PPP4R2: variants seen among roughly 807,000 people sequenced by gnomAD.
PPP4R2 encodes the protein protein phosphatase 4 regulatory subunit 2.
In PPP4R2, 13 loss-of-function variants were observed where a neutral mutation model predicts 47.2. That is an observed-to-expected ratio of 0.28 (90% confidence interval 0.18 to 0.44). The LOEUF (loss-of-function observed/expected upper bound fraction) is 0.44. Ranked by LOEUF, PPP4R2 falls within the 20% of genes least tolerant of loss-of-function variation. PPP4R2 has a pLI of 1.00. For synonymous variants in PPP4R2, 151 were observed against 163.3 expected, an observed-to-expected ratio of 0.92 and a Z score of 0.57; for missense variants, 421 against 491.2, an observed-to-expected ratio of 0.86 and a Z score of 1.35.
At chr3:73,029,758 G>A (rs954962958) in intron 2 of PPP4R2, among the ~76,000 whole-genome samples, 3 of 152,166 alleles carry the variant, frequency 2.0e-5, no homozygotes, top group African/African-American at 7.2e-5. Context: ...AGAAAAGAGA[G>A]ACTGAATTGT....
chr3:73,032,007 C>G lies in PPP4R2; in HGVS notation c.117-15179C>G, dbSNP rs181076950. Among the ~76,000 whole-genome samples, 6 of 152,350 alleles carry G rather than the reference C, an allele frequency of 3.9e-5. No individual in the cohort carries two copies. The East Asian group carries it at 1.2e-3, about 29-fold the overall frequency. On this transcript the variant is annotated intron_variant, in intron 2 of 8. Coordinates refer to ENST00000356692, the MANE Select transcript of PPP4R2 (RefSeq NM_174907.4). ...GGGGAAACAGAGAGGCTAGGGTTATCTGCCTTAGGCCCTACAAATGAGAAA... is the reference window on the plus strand; with the variant it reads ...GGGGAAACAGAGAGGCTAGGGTTATGTGCCTTAGGCCCTACAAATGAGAAA...
At chr3:73,017,356 T>G (rs1338123814) in intron 2 of PPP4R2, among the ~76,000 whole-genome samples, 3 of 106,380 alleles carry the variant, frequency 2.8e-5, no homozygotes, top group Non-Finnish European at 6.0e-5. Context: ...TTCTGCCTGT[T>G]GTAGCCTGGA....
intron 2 of PPP4R2, among the ~76,000 whole-genome samples, chr3:73,044,994 A>G (rs1575873737): frequency 6.6e-6 from 1 of 152,118 alleles, no homozygotes; most frequent in Non-Finnish European, 1.5e-5. Context: ...TGCTTTTGGT[A>G]TCACACAGTA....
intron 2 of PPP4R2, among the ~76,000 whole-genome samples, chr3:73,001,775 A>T (rs1025243266): frequency 3.9e-5 from 6 of 151,950 alleles, no homozygotes; most frequent in Non-Finnish European, 7.4e-5. Flanking sequence ...AGTAGCTGGG[A>T]CTACAGGCAC....
At chr3:73,030,018 GAC>G (rs1559556165) in intron 2 of PPP4R2, among the ~76,000 whole-genome samples, 1 of 152,122 alleles carries the variant, frequency 6.6e-6, no homozygotes, top group African/African-American at 2.4e-5. Context: ...ATGGGAGGGA[GAC>G]AGCTGTTTTA....
intron 5 of PPP4R2, 192 bp from the exon 6 acceptor site, chr3:73,063,481 G>A (rs1180608742): frequency 2.0e-6 from 1 of 506,352 alleles, no homozygotes; most frequent in East Asian, 3.6e-5. Context: ...AAAAATAGCT[G>A]CGCATGGCAT....
intron 3 of PPP4R2, among the ~76,000 whole-genome samples, chr3:73,055,072 G>C (rs1056198202): frequency 6.6e-6 from 1 of 151,980 alleles, no homozygotes; most frequent in African/African-American, 2.4e-5. Context: ...TAAAATGTGT[G>C]GTCCTATTAA....
intron 2 of PPP4R2, among the ~76,000 whole-genome samples, chr3:73,013,875 A>G (rs973204938): frequency 1.3e-5 from 2 of 152,188 alleles, no homozygotes; most frequent in African/African-American, 4.8e-5. Flanking sequence ...TCTTGATCCC[A>G]GTTGATCCGC....
Position 73,026,268 on chromosome 3 carries a change from C to T in PPP4R2, c.117-20918C>T, listed in dbSNP as rs944626357. Among the ~76,000 whole-genome samples, 15 of 152,138 alleles carry T rather than the reference C, an allele frequency of 9.9e-5. No homozygotes were observed. The East Asian group carries it at 2.7e-3, about 27-fold the overall frequency. On this transcript the variant is annotated intron_variant, in intron 2 of 8. Transcript: ENST00000356692. ...ATTCTCTAGTAAATTCGTACTGCCT[C>T]GTCCCAGTGACTTTGTACATATTGT...
chr3:73,047,837 A>T (rs1305883200), intron 3 of PPP4R2, among the ~76,000 whole-genome samples: 1 of 152,122 alleles, frequency 6.6e-6, no homozygotes, highest in African/African-American at 2.4e-5. Context: ...AACACTAAAA[A>T]GATATTCTGT....
chr3:72,997,743 T>G (rs998528664), intron 1 of PPP4R2, among the ~76,000 whole-genome samples: 1 of 152,162 alleles, frequency 6.6e-6, no homozygotes, highest in East Asian at 1.9e-4. Context: ...AGATGAACAA[T>G]TGGTGGGAGT....
At position 72,998,093 on chromosome 3, in the gene PPP4R2, G is replaced by T; in HGVS notation, c.51G>T (p.Gly17=). 1 of 1,602,930 alleles carries T rather than the reference G, an allele frequency of 6.2e-7. No individual in the cohort carries two copies. Among genetic ancestry groups the T allele is most frequent in the Non-Finnish European group, 8.5e-7 (1 of 1,176,480 alleles). ...TTCATCTAGATTTTGAGAAGAGGGG[G>T]AAAAAGGAAGTTTGTCCTGTCCTGG... The part of the protein sequence containing the change: ...QEALKDFEKR[G]KKEVCPVLDQ... Residue 17 remains glycine, a synonymous_variant, in exon 2 of 9, where the codon GGG becomes GGT. Coordinates refer to ENST00000356692, the MANE Select transcript of PPP4R2 (RefSeq NM_174907.4).
At chr3:73,049,962 A>G (rs893120384) in intron 3 of PPP4R2, among the ~76,000 whole-genome samples, 21 of 152,038 alleles carry the variant, frequency 1.4e-4, no homozygotes, top group Non-Finnish European at 2.9e-4. Context: ...TTATTTATTT[A>G]GAGATGGAGT....
intron 5 of PPP4R2, chr3:73,062,189 A>AATT: frequency 6.4e-7 from 1 of 1,565,024 alleles, no homozygotes; most frequent in Non-Finnish European, 8.6e-7. Flanking sequence ...TTCTTAACAA[A>AATT]ATTAAAGAAT....
At chr3:73,012,888 A>C (rs560488139) in intron 2 of PPP4R2, among the ~76,000 whole-genome samples, 12 of 146,432 alleles carry the variant, frequency 8.2e-5, no homozygotes, top group African/African-American at 3.1e-4. Context: ...TCTTAAATGT[A>C]GGTAGAATGT....
Position 73,066,352 on chromosome 3 carries a change from T to A in PPP4R2, c.*630T>A, listed in dbSNP as rs1240192878. The A allele has an allele frequency of 6.6e-6, 1 of 151,522 alleles. No individual in the cohort carries two copies. Among genetic ancestry groups the A allele is most frequent in the Non-Finnish European group, 1.5e-5 (1 of 67,820 alleles). The allele number at this position is 151,522 out of a possible 1,614,324, so 9.4% of individuals were successfully genotyped here. The stretch of plus-strand genomic sequence containing the variant: ...TCTATTGGTAATGATTGAGTTCACC[T>A]CTTTCAGAAGACATTTTCTTTCTCT... On this transcript the variant is annotated 3_prime_UTR_variant, in exon 9 of 9. Transcript: ENST00000356692.
At chr3:73,060,444 C>G (rs1341591969) in intron 4 of PPP4R2, among the ~76,000 whole-genome samples, 1 of 152,144 alleles carries the variant, frequency 6.6e-6, no homozygotes, top group Non-Finnish European at 1.5e-5. Flanking sequence ...AGTTAGTTTT[C>G]TCCTCTGTAA....
intron 2 of PPP4R2, among the ~76,000 whole-genome samples, chr3:73,046,406 G>A (rs1251957449): frequency 6.6e-6 from 1 of 152,170 alleles, no homozygotes; most frequent in African/African-American, 2.4e-5. Context: ...TGGTAGTACT[G>A]TCTGCCTGAG....
intron 2 of PPP4R2, among the ~76,000 whole-genome samples, chr3:73,029,739 A>C (rs1575860098): frequency 6.6e-6 from 1 of 152,342 alleles, no homozygotes; most frequent in African/African-American, 2.4e-5. Context: ...GAGATCACCA[A>C]GTGTAGATAG....
Sources: gnomAD v4.1 joint callset for allele counts (sites outside exome capture counted in the v4.1 genomes callset) on GRCh38, gnomAD v4.1.1 for gene constraint, MANE v1.5 for transcripts, NCBI Gene and HGNC (gene_info 2026-07-23, HGNC 2026-07-21) for gene names.